The following RERE variants were observed in gnomAD, a reference collection of about 807,000 sequenced individuals.
RERE encodes arginine-glutamic acid dipeptide repeats.
RERE carries 40 observed loss-of-function variants against 146.1 expected under a neutral mutation model. That is an observed-to-expected ratio of 0.27 (90% CI 0.21 to 0.36). RERE has a LOEUF of 0.36. RERE is among the 10% of genes least tolerant of loss of function. RERE has a pLI of 1.00. For synonymous variants in RERE, 1,003 were observed against 866.0 expected (o/e 1.16, Z -2.78); for missense variants, 1,933 against 2,138.7 (o/e 0.90, Z 1.90).
rs1359503473 is a variant in RERE, at chr1:8,810,932, GTC to G, written c.-145+6226_-145+6227del. On this transcript the variant is annotated intron_variant, in intron 1 of 22. Transcript: ENST00000400908. ...GACAGGTAGTCAGTAGGCGGGCAGA[GTC>G]ACAGAAAATAAAAGGAGAATAAGAC... Among the ~76,000 whole-genome samples, 4 of 152,112 alleles carry G rather than the reference GTC, an allele frequency of 2.6e-5. No individual in the cohort carries two copies. The East Asian group carries it at 7.7e-4, about 29-fold the overall frequency.
chr1:8,553,896 G>C (rs895941617), intron 6 of RERE, among the ~76,000 whole-genome samples: 1 of 152,174 alleles, frequency 6.6e-6, no homozygotes, highest in Non-Finnish European at 1.5e-5. Flanking sequence ...GATAAAAATG[G>C]GCCAGACGTG....
intron 1 of RERE, among the ~76,000 whole-genome samples, chr1:8,797,693 G>A (rs767131505): frequency 4.6e-5 from 7 of 152,138 alleles, no homozygotes; most frequent in Non-Finnish European, 8.8e-5. Flanking sequence ...CTTGCAGTTG[G>A]AAATCAGTTT....
intron 1 of RERE, among the ~76,000 whole-genome samples, chr1:8,769,757 A>C (rs1640910300): frequency 6.6e-6 from 1 of 151,702 alleles, no homozygotes. Flanking sequence ...GATTACAGAC[A>C]TGAGTCACCA....
rs189871661 is a variant in RERE, at chr1:8,618,879, G to C, written c.397-4193C>G. The stretch of plus-strand genomic sequence containing the variant: ...TGGTGGAGGGCGGGCAATCTCAATG[G>C]CAAGTGGAACCTAAGATGAAGTTAA... On this transcript the variant is annotated intron_variant, in intron 3 of 22. Transcript: ENST00000400908. 3.7e-3 allele frequency among the ~76,000 whole-genome samples: 558 copies of C among 152,212 alleles called. 2 individuals are homozygous for C. The highest frequency in any genetic ancestry group is 0.013 in the African/African-American group (538 of 41,526).
At chr1:8,743,868 A>G (rs1313494851) in intron 1 of RERE, among the ~76,000 whole-genome samples, 1 of 152,030 alleles carries the variant, frequency 6.6e-6, no homozygotes, top group Non-Finnish European at 1.5e-5. Context: ...ACTTTTCTCC[A>G]GAGCACTTTT....
intron 1 of RERE, among the ~76,000 whole-genome samples, chr1:8,780,800 G>GCTT (rs1436832300): frequency 1.3e-5 from 2 of 152,186 alleles, no homozygotes; most frequent in African/African-American, 4.8e-5. Context: ...TGAGGACAAT[G>GCTT]CTTCCTCTTT....
chr1:8,459,686 C>G (rs1644501185), intron 11 of RERE, among the ~76,000 whole-genome samples: 1 of 152,134 alleles, frequency 6.6e-6, no homozygotes, highest in African/African-American at 2.4e-5. Flanking sequence ...AAGAAGCCAG[C>G]AAATGAGACG....
Position 8,658,039 on chromosome 1 carries a change from A to G in RERE, c.-144-1598T>C, listed in dbSNP as rs575536566. Among the ~76,000 whole-genome samples, 13 of 152,372 alleles carry G rather than the reference A, an allele frequency of 8.5e-5. No homozygotes were observed. The East Asian group carries it at 2.1e-3, about 25-fold the overall frequency. On this transcript the variant is annotated intron_variant, in intron 1 of 22. Transcript: ENST00000400908. ...AGGTTTTTAAGCGTCTGCAATGGGA[A>G]AAGTGAATCCCAAACTCCAAGCTAA...
intron 12 of RERE, among the ~76,000 whole-genome samples, chr1:8,394,376 A>G (rs1642980627): frequency 1.3e-5 from 2 of 152,252 alleles, no homozygotes; most frequent in East Asian, 1.9e-4. Context: ...AAATATTTGA[A>G]GTTCGACAAC....
intron 12 of RERE, among the ~76,000 whole-genome samples, chr1:8,416,577 C>T (rs1643777252): frequency 8.6e-6 from 1 of 116,266 alleles, no homozygotes; most frequent in Non-Finnish European, 1.7e-5. Flanking sequence ...CAGAGCGAGA[C>T]TCCATCTCCA....
At chr1:8,749,416 A>G (rs1000684813) in intron 1 of RERE, among the ~76,000 whole-genome samples, 1 of 152,024 alleles carries the variant, frequency 6.6e-6, no homozygotes, top group East Asian at 1.9e-4. Flanking sequence ...AAAACAACAC[A>G]ATTTTGCTCT....
chr1:8,678,284 G>A (rs1638886695), intron 1 of RERE, among the ~76,000 whole-genome samples: 1 of 151,924 alleles, frequency 6.6e-6, no homozygotes, highest in Non-Finnish European at 1.5e-5. Context: ...AAAACAATAT[G>A]GTTTTCATTA....
At chr1:8,371,713 G>A (rs1368516425) in intron 12 of RERE, among the ~76,000 whole-genome samples, 1 of 152,228 alleles carries the variant, frequency 6.6e-6, no homozygotes, top group Admixed American at 6.5e-5. Flanking sequence ...AGGTCTTTAA[G>A]AGCTCCCTCC....
chr1:8,666,422 G>A (rs938277175), intron 1 of RERE, among the ~76,000 whole-genome samples: 2 of 152,214 alleles, frequency 1.3e-5, no homozygotes, highest in African/African-American at 4.8e-5. Flanking sequence ...ATCTTACTCT[G>A]CTAGCCCTGC....
intron 12 of RERE, among the ~76,000 whole-genome samples, chr1:8,402,606 T>A (rs1449135655): frequency 6.6e-6 from 1 of 152,186 alleles, no homozygotes; most frequent in Non-Finnish European, 1.5e-5. Flanking sequence ...ATGTAGTACT[T>A]TTTATACATT....
chr1:8,616,376 AG>A (rs777737957), intron 3 of RERE, among the ~76,000 whole-genome samples: 2 of 152,060 alleles, frequency 1.3e-5, no homozygotes, highest in African/African-American at 4.8e-5. Context: ...ATTTTTTTTT[AG>A]TACTTCTAAC....
chr1:8,769,768 C>T (rs1640910736), intron 1 of RERE, among the ~76,000 whole-genome samples: 1 of 151,944 alleles, frequency 6.6e-6, no homozygotes, highest in Non-Finnish European at 1.5e-5. Context: ...TGAGTCACCA[C>T]ACCCAGGCCA....
At chr1:8,670,924 G>C (rs1292096078) in intron 1 of RERE, among the ~76,000 whole-genome samples, 1 of 152,206 alleles carries the variant, frequency 6.6e-6, no homozygotes, top group Non-Finnish European at 1.5e-5. Context: ...AAGGTGTTAA[G>C]CAGTGGTCAG....
At chr1:8,432,467 C>T (rs1042156169) in intron 11 of RERE, among the ~76,000 whole-genome samples, 3 of 152,148 alleles carry the variant, frequency 2.0e-5, no homozygotes, top group Admixed American at 6.5e-5. Context: ...GAGCACAGCA[C>T]GAGGCACTGT....
Sources: allele counts gnomAD v4.1 joint callset (sites outside exome capture counted in the v4.1 genomes callset), GRCh38; gene constraint gnomAD v4.1.1; transcripts MANE v1.5; gene names NCBI Gene and HGNC (gene_info 2026-07-23, HGNC 2026-07-21).